The following CNTN5 variants were observed in gnomAD, a reference collection of about 807,000 sequenced individuals.
The protein encoded by CNTN5 is contactin-5.
CNTN5 carries 77 observed loss-of-function variants against 129.1 expected under a neutral mutation model. The observed-to-expected ratio is 0.60, with a 90% CI of 0.50 to 0.72. CNTN5 has a LOEUF of 0.72. Ranked by LOEUF, CNTN5 falls within the 30% of genes least tolerant of loss-of-function variation. The probability of loss-of-function intolerance (pLI) is 0.00; values close to 1 mark genes in which losing one functional copy is unlikely to be tolerated. For missense variants in CNTN5, 1,478 were observed against 1,328.8 expected (o/e 1.11, Z -1.75); for synonymous variants, 509 against 465.6 (o/e 1.09, Z -1.20).
At chr11:99,040,636 A>G (rs1170430683) in intron 1 of CNTN5, among the ~76,000 whole-genome samples, 1 of 152,160 alleles carries the variant, frequency 6.6e-6, no homozygotes, top group South Asian at 2.1e-4. Context: ...TATTCAACTT[A>G]GGTTTATTTG....
At chr11:100,181,302 A>G (rs1948132725) in intron 13 of CNTN5, among the ~76,000 whole-genome samples, 1 of 152,020 alleles carries the variant, frequency 6.6e-6, no homozygotes, top group Non-Finnish European at 1.5e-5. Context: ...GAAAAAAACC[A>G]ATCCCCAAAA....
Position 100,136,553 on chromosome 11 carries a change from TAATC to T in CNTN5, c.1581-54568_1581-54565del, listed in dbSNP as rs769752825. Among the ~76,000 whole-genome samples the T allele has an allele frequency of 4.6e-5, 7 of 152,118 alleles. No individual in the cohort carries two copies. In the East Asian group the frequency reaches 1.2e-3, roughly 25 times the overall value. On this transcript the variant is annotated intron_variant, in intron 13 of 24. Coordinates refer to ENST00000524871, the MANE Select transcript of CNTN5 (RefSeq NM_014361.4). ...TTTAGTTTTTTGTAATAATTGACAT[TAATC>T]AATCTAGTGATAAATAAAATCATTA...
chr11:99,078,667 G>T (rs371438234), intron 1 of CNTN5, among the ~76,000 whole-genome samples: 1 of 152,168 alleles, frequency 6.6e-6, no homozygotes, highest in Admixed American at 6.5e-5. Context: ...AGGACAGTAC[G>T]TTAAGTGAAA....
rs140550094 is a variant in CNTN5 at position 100,047,694 on chromosome 11, A to C, written c.981-13518A>C. ...GAAATCAGGGATACCCAGATAGCTT[A>C]TAAAGCATAATTTTTGGGTTTCTCT... On this transcript the variant is annotated intron_variant, in intron 9 of 24. Transcript: ENST00000524871. Among the ~76,000 whole-genome samples, 913 of 152,320 alleles carry C rather than the reference A, an allele frequency of 6.0e-3. 13 individuals are homozygous for C. The highest frequency in any genetic ancestry group is 0.021 in the African/African-American group (863 of 41,568).
At chr11:100,034,969 T>A (rs1941904266) in intron 9 of CNTN5, among the ~76,000 whole-genome samples, 1 of 152,196 alleles carries the variant, frequency 6.6e-6, no homozygotes, top group Admixed American at 6.5e-5. Context: ...TGTATCTTTT[T>A]TTTTAAATTT....
chr11:100,079,222 T>C (rs1025486573), intron 13 of CNTN5, among the ~76,000 whole-genome samples: 1 of 152,150 alleles, frequency 6.6e-6, no homozygotes, highest in African/African-American at 2.4e-5. Flanking sequence ...AGCCTAACCG[T>C]ATTAATATAA....
intron 3 of CNTN5, among the ~76,000 whole-genome samples, chr11:99,564,096 T>C (rs1271123749): frequency 6.6e-6 from 1 of 152,142 alleles, no homozygotes; most frequent in Admixed American, 6.6e-5. Flanking sequence ...TTTACTTATT[T>C]ATTTAGACAG....
At chr11:100,153,201 G>A (rs1565292536) in intron 13 of CNTN5, among the ~76,000 whole-genome samples, 1 of 152,022 alleles carries the variant, frequency 6.6e-6, no homozygotes, top group South Asian at 2.1e-4. Context: ...TTATAATGTT[G>A]CTACTTTTTG....
At chr11:99,400,813 A>G (rs534121888) in intron 2 of CNTN5, among the ~76,000 whole-genome samples, 2 of 152,182 alleles carry the variant, frequency 1.3e-5, no homozygotes, top group Admixed American at 6.5e-5. Context: ...TTTGATTTGC[A>G]TTTCTCTAAT....
chr11:99,768,035 T>C (rs1308776766), intron 3 of CNTN5, among the ~76,000 whole-genome samples: 1 of 152,152 alleles, frequency 6.6e-6, no homozygotes, highest in Admixed American at 6.6e-5. Flanking sequence ...CATTTATTTA[T>C]GTATTGTCTA....
At chr11:99,963,955 T>G (rs2136199740) in intron 8 of CNTN5, among the ~76,000 whole-genome samples, 1 of 152,310 alleles carries the variant, frequency 6.6e-6, no homozygotes, top group Admixed American at 6.5e-5. Context: ...TTTGGCTCTC[T>G]GTTTGTCTGT....
intron 13 of CNTN5, among the ~76,000 whole-genome samples, chr11:100,171,323 A>T (rs1167464417): frequency 3.3e-5 from 5 of 152,038 alleles, no homozygotes; most frequent in Non-Finnish European, 7.4e-5. Context: ...TCAGAAGAGC[A>T]CTTAATGTAC....
chr11:99,322,529 T>C (rs1287562728), intron 1 of CNTN5, among the ~76,000 whole-genome samples: 2 of 152,146 alleles, frequency 1.3e-5, no homozygotes, highest in African/African-American at 4.8e-5. Context: ...CTGAATACTG[T>C]CTTGAAGTTA....
At chr11:100,168,635 C>G (rs750987518) in intron 13 of CNTN5, among the ~76,000 whole-genome samples, 1 of 151,906 alleles carries the variant, frequency 6.6e-6, no homozygotes, top group Non-Finnish European at 1.5e-5. Context: ...TCTCAGAGCC[C>G]TGTTGGAAAT....
At chr11:100,107,748 G>C (rs1005363187) in intron 13 of CNTN5, among the ~76,000 whole-genome samples, 1 of 151,768 alleles carries the variant, frequency 6.6e-6, no homozygotes, top group African/African-American at 2.4e-5. Context: ...TGTATCAAAC[G>C]ATAGAGTTTA....
At chr11:99,646,804 A>G (rs1314317335) in intron 3 of CNTN5, among the ~76,000 whole-genome samples, 2 of 125,412 alleles carry the variant, frequency 1.6e-5, no homozygotes, top group African/African-American at 5.5e-5. Flanking sequence ...ATCAATGTCA[A>G]TTCTTAAAAA....
At chr11:100,152,530 T>C (rs1947100909) in intron 13 of CNTN5, among the ~76,000 whole-genome samples, 1 of 152,182 alleles carries the variant, frequency 6.6e-6, no homozygotes, top group South Asian at 2.1e-4. Context: ...TTTAGGCTGA[T>C]GAAGCTGTGA....
intron 15 of CNTN5, among the ~76,000 whole-genome samples, chr11:100,217,517 G>T (rs920665561): frequency 1.3e-5 from 2 of 152,130 alleles, no homozygotes; most frequent in Non-Finnish European, 2.9e-5. Flanking sequence ...TGGTGGTCAT[G>T]TATTACTAGC....
At chr11:99,692,001 T>G (rs983414066) in intron 3 of CNTN5, among the ~76,000 whole-genome samples, 1 of 152,198 alleles carries the variant, frequency 6.6e-6, no homozygotes, top group South Asian at 2.1e-4. Flanking sequence ...GTAATGCCCT[T>G]CTTTGTCTTT....
Sources: gnomAD v4.1 joint callset for allele counts (sites outside exome capture counted in the v4.1 genomes callset) on GRCh38, gnomAD v4.1.1 for gene constraint, MANE v1.5 for transcripts, NCBI Gene and HGNC (gene_info 2026-07-23, HGNC 2026-07-21) for gene names.